NDUFS1: variants seen among roughly 807,000 people sequenced by gnomAD.
NDUFS1 encodes the protein NADH:ubiquinone oxidoreductase core subunit S1, also known as NADH-ubiquinone oxidoreductase 75 kDa subunit, mitochondrial.
NDUFS1 carries 61 observed loss-of-function variants against 84.4 expected under a neutral mutation model. The observed-to-expected ratio is 0.72, with a 90% CI of 0.59 to 0.89. The LOEUF is 0.89. NDUFS1 is among the 40% of genes least tolerant of loss of function. NDUFS1 has a pLI of 0.00. For missense variants in NDUFS1, 891 were observed against 890.0 expected, an observed-to-expected ratio of 1.00 and a Z score of -0.01; for synonymous variants, 275 against 290.0, an observed-to-expected ratio of 0.95 and a Z score of 0.53.
At chr2:206,142,161 C>A in intron 11 of NDUFS1, 92 bp from the exon 12 acceptor site, 1 of 1,103,428 alleles carries the variant, frequency 9.1e-7, no homozygotes, top group South Asian at 1.4e-5. Flanking sequence ...AACCCATTGC[C>A]TTCTCAAACA....
rs55793630 is a variant in NDUFS1, at chr2:206,126,692, T to A, written c.2019+18A>T. The A allele has an allele frequency of 7.6e-3, 12,271 of 1,614,108 alleles. 72 individuals carry two copies. The highest frequency in any genetic ancestry group is 0.015 in the Middle Eastern group (91 of 6,062). On this transcript the variant is annotated intron_variant, in intron 17 of 18. Transcript: ENST00000233190. ...GTAGATACAACATTATGAAAACTGC[T>A]CATAGGCGAGCTGTTACCTTTGAGA... is the stretch of plus-strand genomic sequence containing the variant.
At position 206,117,010 on chromosome 2, in the gene NDUFS1, C is replaced by T. The variant is rs1310557293; in HGVS notation, c.*7175G>A. ...CTTCAGCCTGGGCGACAAACTGAGA[C>T]TCCGTCTCAGAAAAAAAAAATAAAT... On this transcript the variant is annotated 3_prime_UTR_variant, in exon 19 of 19. Transcript: ENST00000233190. 6.6e-6 allele frequency: 1 copy of T among 151,800 alleles called. No homozygotes were observed. The highest frequency in any genetic ancestry group is 1.5e-5 in the Non-Finnish European group (1 of 68,034). The allele number at this position is 151,800 out of a possible 1,614,324, so 9.4% of individuals were successfully genotyped here.
rs13010233 is a variant in NDUFS1, at chr2:206,117,369, C to T, written c.*6816G>A. 64,863 of 152,190 alleles carry T rather than the reference C, an allele frequency of 0.43. 14,234 individuals are homozygous for T. Among genetic ancestry groups the T allele is most frequent in the African/African-American group, 0.49 (20,398 of 41,506 alleles). The allele number at this position is 152,190 out of a possible 1,614,324, so 9.4% of individuals were successfully genotyped here. A position where few individuals can be genotyped will look rare whatever the true frequency, so the allele number is the denominator to read the frequency against. On this transcript the variant is annotated 3_prime_UTR_variant, in exon 19 of 19. Transcript: ENST00000233190. ...ACTGTTAGCTTCTTGAGGACATTAG[C>T]TAAATTGTATTTCTCTTTGTAGTCT...
Position 206,115,517 on chromosome 2 carries a change from T to C in NDUFS1, c.*8668A>G, listed in dbSNP as rs1052138577. On this transcript the variant is annotated 3_prime_UTR_variant, in exon 19 of 19. Coordinates refer to ENST00000233190, the MANE Select transcript of NDUFS1 (RefSeq NM_005006.7). ...CAGATGCTGGCACCTGATCATGGTCTTCCTGGCCTCCAGAATTGTAAGAAG... is the reference window on the plus strand; with the variant it reads ...CAGATGCTGGCACCTGATCATGGTCCTCCTGGCCTCCAGAATTGTAAGAAG... 5.2e-6 allele frequency: 1 copy of C among 193,842 alleles called. No individual in the cohort carries two copies. The highest frequency in any genetic ancestry group is 1.0e-5 in the Non-Finnish European group (1 of 96,426). 12.0% of individuals were successfully genotyped at this position (193,842 alleles called of 1,614,324 possible).
chr2:206,154,944 G>A (rs865940801), intron 1 of NDUFS1, among the ~76,000 whole-genome samples: 1 of 21,804 alleles, frequency 4.6e-5, no homozygotes, highest in Middle Eastern at 0.036. Flanking sequence ...TTTTTTTTTT[G>A]AGATAGAGTC....
rs995430660 is a variant in NDUFS1, at chr2:206,147,589, T to C, written c.493A>G (p.Ile165Val). ...EGKRAVEDKNIGPLVKTIMTR... is the reference protein window; with the variant it reads ...EGKRAVEDKNVGPLVKTIMTR... ...ATGATGGTCTTTACCAATGGCCCAATGTTCTTGTCTTCCACAGCACGCTTC... is the reference window on the plus strand; with the variant it reads ...ATGATGGTCTTTACCAATGGCCCAACGTTCTTGTCTTCCACAGCACGCTTC... The change falls in exon 7 of 19, where the codon ATT becomes GTT. Residue 165 changes from isoleucine (I) to valine (V), a missense_variant. Transcript: ENST00000233190. 2.5e-6 allele frequency: 4 copies of C among 1,614,190 alleles called. No individual in the cohort carries two copies. Among genetic ancestry groups the C allele is most frequent in the Non-Finnish European group, 3.4e-6 (4 of 1,180,030 alleles).
chr2:206,121,741 C>T lies in NDUFS1; in HGVS notation c.*2444G>A, dbSNP rs145520805. Reference sequence around the variant, plus strand: ...TGCTGGGATTACAGGTGTGAGCCACCGCGCCCGGTCCAGACAAGGTATTTT... The same window carrying T: ...TGCTGGGATTACAGGTGTGAGCCACTGCGCCCGGTCCAGACAAGGTATTTT... On this transcript the variant is annotated 3_prime_UTR_variant, in exon 19 of 19. Coordinates refer to ENST00000233190, the MANE Select transcript of NDUFS1 (RefSeq NM_005006.7). The T allele has an allele frequency of 4.4e-3, 669 of 151,870 alleles. No homozygotes were observed. Among genetic ancestry groups the T allele is most frequent in the Non-Finnish European group, 7.0e-3 (475 of 67,964 alleles). The allele number at this position is 151,870 out of a possible 1,614,324, so 9.4% of individuals were successfully genotyped here.
At chr2:206,131,532 T>A (rs1195552531) in intron 14 of NDUFS1, among the ~76,000 whole-genome samples, 3 of 152,296 alleles carry the variant, frequency 2.0e-5, no homozygotes, top group Non-Finnish European at 4.4e-5. Flanking sequence ...TGAGGTGAAG[T>A]GGCTCGTATC....
chr2:206,142,982 T>C, intron 10 of NDUFS1, 151 bp from the exon 11 acceptor site: 1 of 1,117,062 alleles, frequency 9.0e-7, no homozygotes, highest in Non-Finnish European at 1.3e-6. Flanking sequence ...CCAGGCACAC[T>C]GGCTCATGCC....
At chr2:206,125,430 T>A (rs1691252739) in intron 18 of NDUFS1, among the ~76,000 whole-genome samples, 1 of 151,844 alleles carries the variant, frequency 6.6e-6, no homozygotes, top group South Asian at 2.1e-4. Flanking sequence ...CCACTGCACT[T>A]CAGCCTGGGT....
At position 206,149,162 on chromosome 2, in the gene NDUFS1, T is replaced by C. The variant is rs17288028; in HGVS notation, c.262-66A>G. 2,861 of 1,150,332 alleles carry C rather than the reference T, an allele frequency of 2.5e-3. 11 individuals are homozygous for C. The highest frequency in any genetic ancestry group is 3.2e-3 in the Non-Finnish European group (2,516 of 777,522). 71.3% of individuals were successfully genotyped at this position (1,150,332 alleles called of 1,614,324 possible). A position where few individuals can be genotyped will look rare whatever the true frequency, so the allele number is the denominator to read the frequency against. ...ATTTGTGATTACAAGCAACTCAATATATAAAAATGTTAAATTATATAAAAA... is the reference window on the plus strand; with the variant it reads ...ATTTGTGATTACAAGCAACTCAATACATAAAAATGTTAAATTATATAAAAA... On this transcript the variant is annotated intron_variant, in intron 4 of 18. Transcript: ENST00000233190.
chr2:206,135,443 C>T lies in NDUFS1; in HGVS notation c.1393-2338G>A, dbSNP rs1404280558. Among the ~76,000 whole-genome samples, 7 of 152,104 alleles carry T rather than the reference C, an allele frequency of 4.6e-5. No homozygotes were observed. The East Asian group carries it at 1.2e-3, about 25-fold the overall frequency. On this transcript the variant is annotated intron_variant, in intron 13 of 18. Coordinates refer to ENST00000233190, the MANE Select transcript of NDUFS1 (RefSeq NM_005006.7). The stretch of plus-strand genomic sequence containing the variant: ...TAATCCCAGTACTTTGGGAGGCCGA[C>T]ACGGGCAGATCACGAGGTCAGGAGA...
At position 206,147,104 on chromosome 2, in the gene NDUFS1, T is replaced by A. The variant is rs1229236149; in HGVS notation, c.552-16A>T. On this transcript the variant is annotated splice_polypyrimidine_tract_variant and intron_variant, in intron 7 of 18. Coordinates refer to ENST00000233190, the MANE Select transcript of NDUFS1 (RefSeq NM_005006.7). The stretch of plus-strand genomic sequence containing the variant: ...ACTTGCAAACCTACAAGATAAAAAA[T>A]GTGTCATCAATGGTCAAGTCCAGCA... 6.2e-7 allele frequency: 1 copy of A among 1,613,726 alleles called. No homozygotes were observed. The highest frequency in any genetic ancestry group is 8.5e-7 in the Non-Finnish European group (1 of 1,179,828).
chr2:206,147,926 T>A, intron 5 of NDUFS1, 92 bp from the exon 6 acceptor site: 2 of 1,229,820 alleles, frequency 1.6e-6, no homozygotes, highest in South Asian at 1.2e-5. Flanking sequence ...AGACTTTATT[T>A]TTTTTTTTTG....
chr2:206,157,428 A>C (rs1221993296), intron 1 of NDUFS1, among the ~76,000 whole-genome samples: 1 of 152,170 alleles, frequency 6.6e-6, no homozygotes, highest in African/African-American at 2.4e-5. Flanking sequence ...TTGAAGACCT[A>C]GCACAGGACC....
At chr2:206,126,505 C>T (rs775949937) in intron 18 of NDUFS1, 34 bp downstream of exon 18, 9 of 1,587,684 alleles carry the variant, frequency 5.7e-6, no homozygotes, top group East Asian at 4.5e-5. Context: ...TCTTACCTTT[C>T]GTATTTGGCA....
chr2:206,141,486 C>G (rs557466187), intron 12 of NDUFS1, among the ~76,000 whole-genome samples: 1 of 151,132 alleles, frequency 6.6e-6, no homozygotes, highest in African/African-American at 2.4e-5. Context: ...GAGCCGAGAT[C>G]GCACCACTGC....
rs4147718 is a variant in NDUFS1 at position 206,142,101 on chromosome 2, C to A, written c.1134-32G>T. 0.4 allele frequency: 612,827 copies of A among 1,541,882 alleles called. 125,060 individuals carry two copies. The highest frequency in any genetic ancestry group is 0.5 in the African/African-American group (35,999 of 72,680). ...ATACAATATATAAAATGCAAATTTA[C>A]TTTAAAATTAAGACATACAGAGAAT... On this transcript the variant is annotated intron_variant, in intron 11 of 18. Coordinates refer to ENST00000233190, the MANE Select transcript of NDUFS1 (RefSeq NM_005006.7).
In NDUFS1 at chr2:206,117,917, T is replaced by C. The variant is rs1690995822; in HGVS notation, c.*6268A>G. On this transcript the variant is annotated 3_prime_UTR_variant, in exon 19 of 19. Transcript: ENST00000233190. ...ATTATGATTTTAAGAAGGAAATTAA[T>C]AAGTTATTCATCTCAGTATCTCTTT... The C allele has an allele frequency of 6.6e-6, 1 of 152,210 alleles. No individual in the cohort carries two copies. The highest frequency in any genetic ancestry group is 1.5e-5 in the Non-Finnish European group (1 of 68,024). 9.4% of individuals were successfully genotyped at this position (152,210 alleles called of 1,614,324 possible).
Sources: gnomAD v4.1 joint callset for allele counts (sites outside exome capture counted in the v4.1 genomes callset) on GRCh38, gnomAD v4.1.1 for gene constraint, MANE v1.5 for transcripts, NCBI Gene and HGNC (gene_info 2026-07-23, HGNC 2026-07-21) for gene names.